Variants in GRIK2 observed in about 807,000 individuals in gnomAD.
GRIK2 encodes the protein glutamate receptor ionotropic, kainate 2.
Under a neutral mutation model 100.3 loss-of-function variants are expected in GRIK2, and 32 were observed. The ratio of observed to expected loss-of-function variants is 0.32; its 90% CI spans 0.24 to 0.43. The LOEUF (loss-of-function observed/expected upper bound fraction) is 0.43, where lower values mean the gene tolerates loss of function less well. Ranked by LOEUF, GRIK2 falls within the 20% of genes least tolerant of loss-of-function variation. The pLI, the probability that GRIK2 is intolerant of heterozygous loss-of-function variation, is 1.00. For synonymous variants in GRIK2, 417 were observed against 389.4 expected (o/e 1.07, Z -0.83); for missense variants, 843 against 1,114.9 (o/e 0.76, Z 3.47).
intron 12 of GRIK2, among the ~76,000 whole-genome samples, chr6:101,895,894 T>C (rs1403388461): frequency 6.6e-6 from 1 of 151,756 alleles, no homozygotes; most frequent in African/African-American, 2.4e-5. Flanking sequence ...TCTGCTAATA[T>C]GCCTGTCACA....
rs375923601 is a variant in GRIK2, at chr6:101,960,391, G to A, written c.2085+31759G>A. On this transcript the variant is annotated intron_variant, in intron 14 of 16. Transcript: ENST00000369134. ...ACAGTTAGTGTGTTCCTTTGGAGGG[G>A]TTAAAGCACTCTGTTTTTCCATGGT... 8.5e-5 allele frequency among the ~76,000 whole-genome samples: 13 copies of A among 152,112 alleles called. No homozygotes were observed. The East Asian group carries it at 1.7e-3, about 20-fold the overall frequency.
At chr6:101,928,205 A>G (rs929602891) in intron 13 of GRIK2, 6 of 569,736 alleles carry the variant, frequency 1.1e-5, no homozygotes, top group Non-Finnish European at 1.6e-5. Context: ...CTGTCACTAT[A>G]TTTAAACAAG....
chr6:101,511,633 A>C (rs1774322489), intron 2 of GRIK2, among the ~76,000 whole-genome samples: 1 of 152,042 alleles, frequency 6.6e-6, no homozygotes, highest in Non-Finnish European at 1.5e-5. Flanking sequence ...AAATAACGAA[A>C]CTCAAATAGA....
At chr6:102,061,309 A>C (rs549681398) in intron 16 of GRIK2, among the ~76,000 whole-genome samples, 1 of 150,714 alleles carries the variant, frequency 6.6e-6, no homozygotes, top group East Asian at 1.9e-4. Context: ...TTTGAATACA[A>C]AACTACCCTA....
intron 7 of GRIK2, among the ~76,000 whole-genome samples, chr6:101,707,590 G>GTATATATATATA (rs1449124596): frequency 3.9e-5 from 5 of 129,488 alleles, no homozygotes; most frequent in African/African-American, 1.3e-4. Context: ...GTGTGTGTGT[G>GTATATATATATA]TGTGTATATA....
intron 10 of GRIK2, among the ~76,000 whole-genome samples, chr6:101,846,973 A>C (rs369599164): frequency 5.0e-5 from 7 of 141,290 alleles, no homozygotes; most frequent in Admixed American, 2.1e-4. Context: ...GCTTCTCTCT[A>C]TTTTTTTTTT....
chr6:101,585,268 A>T (rs1778303286), intron 2 of GRIK2, among the ~76,000 whole-genome samples: 1 of 152,060 alleles, frequency 6.6e-6, no homozygotes, highest in African/African-American at 2.4e-5. Flanking sequence ...AGTTTTTTAA[A>T]ATAGATATTA....
intron 16 of GRIK2, among the ~76,000 whole-genome samples, chr6:102,060,900 T>C (rs1054116236): frequency 6.6e-6 from 1 of 150,628 alleles, no homozygotes; most frequent in African/African-American, 2.4e-5. Flanking sequence ...TCAGACCTTA[T>C]GTATTAATTT....
intron 2 of GRIK2, among the ~76,000 whole-genome samples, chr6:101,511,282 G>A (rs764899151): frequency 6.6e-6 from 1 of 152,080 alleles, no homozygotes; most frequent in Non-Finnish European, 1.5e-5. Flanking sequence ...TACATGACTC[G>A]GCTTCTTGAC....
At chr6:102,037,077 T>G (rs1770310199) in intron 15 of GRIK2, among the ~76,000 whole-genome samples, 1 of 151,308 alleles carries the variant, frequency 6.6e-6, no homozygotes, top group African/African-American at 2.4e-5. Context: ...ATATTACATT[T>G]GGAAAATCAT....
chr6:101,737,017 C>G (rs1351901003), intron 7 of GRIK2, among the ~76,000 whole-genome samples: 1 of 152,100 alleles, frequency 6.6e-6, no homozygotes, highest in Non-Finnish European at 1.5e-5. Context: ...GGCAAAATGC[C>G]ACCAGTCTCT....
intron 11 of GRIK2, among the ~76,000 whole-genome samples, chr6:101,872,678 G>A (rs926191627): frequency 6.6e-6 from 1 of 151,642 alleles, no homozygotes; most frequent in African/African-American, 2.4e-5. Flanking sequence ...CATCCCCTCT[G>A]AATAGCATGT....
chr6:101,706,042 A>G (rs1773272211), intron 7 of GRIK2, among the ~76,000 whole-genome samples: 1 of 151,846 alleles, frequency 6.6e-6, no homozygotes, highest in South Asian at 2.1e-4. Flanking sequence ...GCAGCTCTGT[A>G]TTGCCCCATA....
chr6:101,826,316 C>G (rs1782326598), intron 10 of GRIK2, among the ~76,000 whole-genome samples: 1 of 151,990 alleles, frequency 6.6e-6, no homozygotes, highest in South Asian at 2.1e-4. Context: ...ACATTAAAAA[C>G]TAAGTATAAG....
chr6:101,939,084 T>C (rs1271108419), intron 14 of GRIK2, among the ~76,000 whole-genome samples: 2 of 152,048 alleles, frequency 1.3e-5, no homozygotes, highest in Non-Finnish European at 1.5e-5. Context: ...TTATGGTTCA[T>C]TTCAATTTAT....
intron 13 of GRIK2, 136 bp from the exon 14 acceptor site, chr6:101,928,279 C>G (rs894233643): frequency 8.1e-6 from 5 of 615,620 alleles, no homozygotes; most frequent in Non-Finnish European, 1.4e-5. Context: ...TTGTTGCTTG[C>G]TTACTAAAGA....
intron 14 of GRIK2, among the ~76,000 whole-genome samples, chr6:101,978,881 C>T (rs1355987418): frequency 1.3e-5 from 2 of 151,888 alleles, no homozygotes; most frequent in Admixed American, 6.6e-5. Flanking sequence ...TCTCCCCTCT[C>T]CCCCAGTTTC....
intron 2 of GRIK2, among the ~76,000 whole-genome samples, chr6:101,420,277 T>G (rs1776349143): frequency 6.6e-6 from 1 of 152,218 alleles, no homozygotes. Flanking sequence ...GCCCATGCTA[T>G]CTAGTTTTCC....
Position 102,044,638 on chromosome 6 carries a change from C to T in GRIK2, c.2311+9072C>T, listed in dbSNP as rs186265144. On this transcript the variant is annotated intron_variant, in intron 15 of 16. Transcript: ENST00000369134. The stretch of plus-strand genomic sequence containing the variant: ...ATGATTCAATTGTCTCCCACTGGCT[C>T]CCTCCCACAATACATGGGAATTATG... 3.1e-3 allele frequency among the ~76,000 whole-genome samples: 467 copies of T among 152,060 alleles called. 3 individuals carry two copies. The highest frequency in any genetic ancestry group is 9.7e-3 in the African/African-American group (401 of 41,510).
Sources: allele counts gnomAD v4.1 joint callset (sites outside exome capture counted in the v4.1 genomes callset), GRCh38; gene constraint gnomAD v4.1.1; transcripts MANE v1.5; gene names NCBI Gene and HGNC (gene_info 2026-07-23, HGNC 2026-07-21).